CLYBL: variants seen among roughly 807,000 people sequenced by gnomAD.
The protein encoded by CLYBL is citramalyl-CoA lyase.
Under a neutral mutation model 38.9 loss-of-function variants are expected in CLYBL, and 31 were observed. The observed-to-expected ratio is 0.80, with a 90% CI of 0.60 to 1.08. The LOEUF (loss-of-function observed/expected upper bound fraction) is 1.08, where lower values mean the gene tolerates loss of function less well. Ranked by LOEUF, CLYBL falls within the 50% of genes least tolerant of loss-of-function variation. The probability of loss-of-function intolerance (pLI) is 0.00; values close to 1 mark genes in which losing one functional copy is unlikely to be tolerated. For synonymous variants in CLYBL, 171 were observed against 158.6 expected (o/e 1.08, Z -0.59); for missense variants, 434 against 411.6 (o/e 1.05, Z -0.47).
chr13:99,897,035 G>C (rs1016098585), downstream of CLYBL: 2 of 152,254 alleles, frequency 1.3e-5, no homozygotes, highest in African/African-American at 4.8e-5. Flanking sequence ...ATAATGTCAA[G>C]TGTCAAAGCA....
chr13:99,633,378 A>G (rs2046975930), intron 1 of CLYBL, among the ~76,000 whole-genome samples: 1 of 151,868 alleles, frequency 6.6e-6, no homozygotes, highest in South Asian at 2.1e-4. Flanking sequence ...CGTCTCTACT[A>G]AAAATACAAA....
chr13:99,658,759 C>A (rs1232219922), intron 1 of CLYBL, among the ~76,000 whole-genome samples: 1 of 152,176 alleles, frequency 6.6e-6, no homozygotes, highest in East Asian at 1.9e-4. Context: ...ACAACAAAAA[C>A]CCTCTCCCAA....
At chr13:99,727,428 G>T (rs141385573) in intron 1 of CLYBL, 2 of 152,066 alleles carry the variant, frequency 1.3e-5, no homozygotes, top group East Asian at 3.9e-4. Flanking sequence ...GTCTCAAAAG[G>T]GCAGGCAGGG....
chr13:99,673,211 A>G (rs1311673645), intron 1 of CLYBL, among the ~76,000 whole-genome samples: 1 of 151,962 alleles, frequency 6.6e-6, no homozygotes, highest in African/African-American at 2.4e-5. Flanking sequence ...TCAGGAGTTC[A>G]AGACCAGCCT....
intron 1 of CLYBL, among the ~76,000 whole-genome samples, chr13:99,767,142 G>A (rs1294590301): frequency 6.6e-6 from 1 of 152,200 alleles, no homozygotes; most frequent in Non-Finnish European, 1.5e-5. Context: ...TGGAGGAAAT[G>A]TTTTTGCATG....
At position 99,621,470 on chromosome 13, in the gene CLYBL, T is replaced by C. The variant is rs533143429; in HGVS notation, c.62+14713T>C. On this transcript the variant is annotated intron_variant, in intron 1 of 8. Coordinates refer to ENST00000339105, the MANE Select transcript of CLYBL (RefSeq NM_206808.5). The stretch of plus-strand genomic sequence containing the variant: ...TCCGCTGACTTTTGTCACCCTTCCC[T>C]GTGTTAAGGTGATCGAGATGCAGAA... Among the ~76,000 whole-genome samples the C allele has an allele frequency of 2.6e-5, 4 of 152,302 alleles. No homozygotes were observed. In the South Asian group the frequency reaches 8.3e-4, roughly 32 times the overall value.
intron 2 of CLYBL, among the ~76,000 whole-genome samples, chr13:99,781,299 T>C (rs906923421): frequency 6.6e-6 from 1 of 152,134 alleles, no homozygotes; most frequent in African/African-American, 2.4e-5. Flanking sequence ...GCCTCCCAAG[T>C]AGCTGGGACT....
intron 4 of CLYBL, among the ~76,000 whole-genome samples, chr13:99,863,844 C>G (rs376293889): frequency 6.6e-6 from 1 of 152,116 alleles, no homozygotes; most frequent in East Asian, 1.9e-4. Context: ...CCACAGAGGG[C>G]AGGAGAAAAG....
chr13:99,871,629 T>C (rs2051901535), intron 7 of CLYBL, among the ~76,000 whole-genome samples: 2 of 152,182 alleles, frequency 1.3e-5, no homozygotes, highest in Non-Finnish European at 2.9e-5. Context: ...TAGTGCATCA[T>C]TGAGCCTCGC....
intron 1 of CLYBL, among the ~76,000 whole-genome samples, chr13:99,708,831 C>T (rs1390497729): frequency 6.6e-6 from 1 of 152,138 alleles, no homozygotes; most frequent in African/African-American, 2.4e-5. Context: ...TGGTGGCTCA[C>T]ACCTGTAATC....
intron 1 of CLYBL, among the ~76,000 whole-genome samples, chr13:99,692,744 C>G (rs2047926080): frequency 6.6e-6 from 1 of 152,208 alleles, no homozygotes; most frequent in South Asian, 2.1e-4. Flanking sequence ...CACCCCTCTT[C>G]CTTTCTCCTG....
chr13:99,784,447 CTCTTTTT>C lies in CLYBL; in HGVS notation c.249+11439_249+11445del, dbSNP rs1211745071. On this transcript the variant is annotated intron_variant, in intron 2 of 8. Transcript: ENST00000339105. ...TATTCCTCTGCTTCTGGAAAATTCT[CTCTTTTT>C]TTTTTTTTTTTTTTTTTTGAGATGG... is the stretch of plus-strand genomic sequence containing the variant. 1.5e-3 allele frequency among the ~76,000 whole-genome samples: 146 copies of C among 99,450 alleles called. 2 individuals carry two copies. The highest frequency in any genetic ancestry group is 6.3e-3 in the Middle Eastern group (1 of 160). The allele number at this position is 99,450 out of a possible 152,430, so 65.2% of individuals were successfully genotyped here.
intron 2 of CLYBL, among the ~76,000 whole-genome samples, chr13:99,830,643 A>C (rs192874272): frequency 1.0e-3 from 152 of 152,272 alleles, no homozygotes; most frequent in Middle Eastern, 6.8e-3. Flanking sequence ...ACCCCTAGAG[A>C]TCTTACCAAA....
rs2047184387 is a variant in CLYBL, at chr13:99,646,837, T to G, written c.62+40080T>G. Among the ~76,000 whole-genome samples, 7 of 152,056 alleles carry G rather than the reference T, an allele frequency of 4.6e-5. No individual in the cohort carries two copies. The South Asian group carries it at 1.2e-3, about 27-fold the overall frequency. Reference sequence around the variant, plus strand: ...CCACGCCTGGCTGGTTACAGAAATCTTAATATAAGGAGCTCGTTACAAAGG... The same window carrying G: ...CCACGCCTGGCTGGTTACAGAAATCGTAATATAAGGAGCTCGTTACAAAGG... On this transcript the variant is annotated intron_variant, in intron 1 of 8. Transcript: ENST00000339105.
intron 1 of CLYBL, among the ~76,000 whole-genome samples, chr13:99,632,431 T>C (rs1427007430): frequency 6.6e-6 from 1 of 152,190 alleles, no homozygotes; most frequent in African/African-American, 2.4e-5. Context: ...TCGATCATCA[T>C]GTCCAGTGTC....
intron 1 of CLYBL, among the ~76,000 whole-genome samples, chr13:99,729,973 C>T (rs912311023): frequency 2.0e-5 from 3 of 151,836 alleles, no homozygotes; most frequent in African/African-American, 7.3e-5. Flanking sequence ...CCCATGCCCC[C>T]ACCACCGTCA....
intron 2 of CLYBL, among the ~76,000 whole-genome samples, chr13:99,788,342 T>A (rs2049843222): frequency 6.6e-6 from 1 of 152,228 alleles, no homozygotes; most frequent in African/African-American, 2.4e-5. Flanking sequence ...GGATTTGTCA[T>A]AAATAGCTCT....
At chr13:99,880,879 A>C (rs529734589) in intron 7 of CLYBL, among the ~76,000 whole-genome samples, 40 of 152,338 alleles carry the variant, frequency 2.6e-4, no homozygotes, top group African/African-American at 9.4e-4. Flanking sequence ...TGCACCTTTC[A>C]GAGCTTGGAA....
At chr13:99,636,184 G>A (rs888367922) in intron 1 of CLYBL, among the ~76,000 whole-genome samples, 3 of 152,002 alleles carry the variant, frequency 2.0e-5, no homozygotes, top group Admixed American at 6.6e-5. Context: ...TTATGTTTTC[G>A]AAATAACAAT....
Sources: allele counts gnomAD v4.1 joint callset (sites outside exome capture counted in the v4.1 genomes callset), GRCh38; gene constraint gnomAD v4.1.1; transcripts MANE v1.5; gene names NCBI Gene and HGNC (gene_info 2026-07-23, HGNC 2026-07-21).